STXBP4: variants seen among roughly 807,000 people sequenced by gnomAD.
The protein encoded by STXBP4 is syntaxin-binding protein 4.
STXBP4 carries 55 observed loss-of-function variants against 76.1 expected under a neutral mutation model. The ratio of observed to expected loss-of-function variants is 0.72; its 90% CI spans 0.58 to 0.91. The LOEUF (loss-of-function observed/expected upper bound fraction) is 0.91, where lower values mean the gene tolerates loss of function less well. Among genes scored for constraint, STXBP4 ranks in the 40% least tolerant of loss-of-function variants. The pLI is 0.00. For synonymous variants in STXBP4, 201 were observed against 220.2 expected, an observed-to-expected ratio of 0.91 and a Z score of 0.77; for missense variants, 618 against 636.9, an observed-to-expected ratio of 0.97 and a Z score of 0.32.
At chr17:55,127,433 A>C (rs1234809961) in intron 16 of STXBP4, among the ~76,000 whole-genome samples, 1 of 152,194 alleles carries the variant, frequency 6.6e-6, no homozygotes, top group Non-Finnish European at 1.5e-5. Flanking sequence ...CTGGGGATGC[A>C]TGTTTTCAAT....
At chr17:55,004,860 C>T (rs2077980034) in intron 7 of STXBP4, among the ~76,000 whole-genome samples, 1 of 152,056 alleles carries the variant, frequency 6.6e-6, no homozygotes, top group African/African-American at 2.4e-5. Context: ...CTTAGAAAAA[C>T]TCACTCCCCC....
chr17:55,031,884 T>C (rs543587724), intron 9 of STXBP4, among the ~76,000 whole-genome samples: 105 of 152,324 alleles, frequency 6.9e-4, no homozygotes, highest in African/African-American at 2.4e-3. Flanking sequence ...GCCTATGTTG[T>C]TCAGGGGTCA....
At chr17:55,209,389 G>A in the STXBP4 span, among the ~76,000 whole-genome samples, 56 of 152,190 alleles carry the variant, frequency 3.7e-4, no homozygotes, top group African/African-American at 1.3e-3. Flanking sequence ...CAGTTCATAC[G>A]CAGGCCCAGC....
At chr17:54,995,953 T>C (rs2077795093) in intron 4 of STXBP4, among the ~76,000 whole-genome samples, 2 of 152,076 alleles carry the variant, frequency 1.3e-5, no homozygotes, top group Admixed American at 1.3e-4. Context: ...TAGTTATGCC[T>C]AATGAAAGAA....
At chr17:55,152,101 G>T (rs769722012) in intron 17 of STXBP4, among the ~76,000 whole-genome samples, 29 of 152,258 alleles carry the variant, frequency 1.9e-4, no homozygotes, top group Admixed American at 1.6e-3. Flanking sequence ...AGATTGTTTT[G>T]TCTGATCCTC....
intron 17 of STXBP4, among the ~76,000 whole-genome samples, chr17:55,147,739 C>T (rs555497205): frequency 5.3e-5 from 8 of 152,184 alleles, no homozygotes; most frequent in Non-Finnish European, 1.0e-4. Flanking sequence ...ACAAAAGTTT[C>T]TGTGTAGAAC....
intron 16 of STXBP4, among the ~76,000 whole-genome samples, chr17:55,120,783 G>T (rs1423128362): frequency 2.6e-5 from 4 of 151,950 alleles, no homozygotes; most frequent in African/African-American, 9.7e-5. Flanking sequence ...TGGATGCTCT[G>T]GTACAGGACT....
intron 9 of STXBP4, 71 bp downstream of exon 9, chr17:55,031,335 TA>T: frequency 8.2e-7 from 1 of 1,215,954 alleles, no homozygotes; most frequent in Non-Finnish European, 1.2e-6. Context: ...ACATTTTCAT[TA>T]AGAGTGTTTG....
In STXBP4 at chr17:55,141,377, A is replaced by G. The variant is rs773145762; in HGVS notation, c.1547+10A>G. ...TCAAGTACTTCATCAAGTAAGTACA[A>G]GCATCTCAACCAAGTAAGCAATTTT... On this transcript the variant is annotated intron_variant, in intron 17 of 17. Transcript: ENST00000376352. 7.5e-6 allele frequency: 12 copies of G among 1,608,472 alleles called. No homozygotes were observed. Among genetic ancestry groups the G allele is most frequent in the African/African-American group, 1.3e-5 (1 of 74,712 alleles).
At position 55,111,082 on chromosome 17, in the gene STXBP4, A is replaced by G. The variant is rs185089865; in HGVS notation, c.1489+29899A>G. The stretch of plus-strand genomic sequence containing the variant: ...AGGTAATGGGAGCTTAAACTAGAAT[A>G]GTGAAGAGGAAGGAAAATGGCACAG... On this transcript the variant is annotated intron_variant, in intron 16 of 17. Coordinates refer to ENST00000376352, the MANE Select transcript of STXBP4 (RefSeq NM_178509.6). Among the ~76,000 whole-genome samples the G allele has an allele frequency of 1.3e-4, 20 of 152,304 alleles. No individual in the cohort carries two copies. In the East Asian group the frequency reaches 3.5e-3, roughly 26 times the overall value.
chr17:55,118,671 T>C (rs1201519826), intron 16 of STXBP4, among the ~76,000 whole-genome samples: 1 of 151,524 alleles, frequency 6.6e-6, no homozygotes, highest in African/African-American at 2.4e-5. Flanking sequence ...ATAAAGAGGA[T>C]CCAAGACTTA....
At chr17:55,015,637 T>A (rs1023472214) in intron 8 of STXBP4, among the ~76,000 whole-genome samples, 1 of 151,604 alleles carries the variant, frequency 6.6e-6, no homozygotes, top group African/African-American at 2.4e-5. Flanking sequence ...TCCCACTGCT[T>A]GGAGTGGGCA....
At chr17:55,064,841 TATG>T (rs2079031795) in intron 12 of STXBP4, among the ~76,000 whole-genome samples, 1 of 152,228 alleles carries the variant, frequency 6.6e-6, no homozygotes, top group South Asian at 2.1e-4. Flanking sequence ...CCTTTGTCTT[TATG>T]ATTTTTCGTT....
chr17:55,163,053 T>C lies in STXBP4; in HGVS notation c.*3142T>C, dbSNP rs1312004242. On this transcript the variant is annotated 3_prime_UTR_variant, in exon 18 of 18. Transcript: ENST00000376352. ...AGTGTGAATACATTCATAAATTTCT[T>C]GATCAAAGCTAGGTCAAAGTTACAT... is the stretch of plus-strand genomic sequence containing the variant. 6.6e-6 allele frequency: 1 copy of C among 152,202 alleles called. No homozygotes were observed. Among genetic ancestry groups the C allele is most frequent in the Non-Finnish European group, 1.5e-5 (1 of 68,030 alleles). 9.4% of individuals were successfully genotyped at this position (152,202 alleles called of 1,614,324 possible).
chr17:55,015,593 G>A (rs147297385), intron 8 of STXBP4, among the ~76,000 whole-genome samples: 1,676 of 151,824 alleles, frequency 0.011, 28 homozygotes, highest in African/African-American at 0.037. Flanking sequence ...AGAGAAAAAG[G>A]TACATGCACT....
chr17:55,085,055 G>T (rs1000329493), intron 16 of STXBP4, among the ~76,000 whole-genome samples: 1 of 152,172 alleles, frequency 6.6e-6, no homozygotes, highest in Admixed American at 6.5e-5. Context: ...CGTGTCCTTT[G>T]TAGGGACATG....
the STXBP4 span, among the ~76,000 whole-genome samples, chr17:55,179,547 A>G: frequency 2.0e-5 from 3 of 152,152 alleles, no homozygotes; most frequent in Admixed American, 6.5e-5. Context: ...CATGAATTTG[A>G]ACTGCATGGG....
intron 16 of STXBP4, among the ~76,000 whole-genome samples, chr17:55,130,195 A>G (rs1309649494): frequency 1.3e-5 from 2 of 152,334 alleles, no homozygotes; most frequent in East Asian, 3.9e-4. Flanking sequence ...TACTCCAGAT[A>G]AAAACTTACC....
chr17:55,003,898 G>A (rs2077960250), intron 7 of STXBP4, among the ~76,000 whole-genome samples: 1 of 152,100 alleles, frequency 6.6e-6, no homozygotes, highest in Non-Finnish European at 1.5e-5. Context: ...GCAGCCAGGT[G>A]CGGTGGCTCA....
Sources: gnomAD v4.1 joint callset for allele counts (sites outside exome capture counted in the v4.1 genomes callset) on GRCh38, gnomAD v4.1.1 for gene constraint, MANE v1.5 for transcripts, NCBI Gene and HGNC (gene_info 2026-07-23, HGNC 2026-07-21) for gene names.